The following SFMBT2 variants were observed in gnomAD, a reference collection of about 807,000 sequenced individuals.
SFMBT2 encodes the protein Scm like with four mbt domains 2, also known as scm-like with four MBT domains protein 2.
SFMBT2 carries 38 observed loss-of-function variants against 110.1 expected under a neutral mutation model. The ratio of observed to expected loss-of-function variants is 0.35; its 90% CI spans 0.27 to 0.45. SFMBT2 has a LOEUF of 0.45. Among genes scored for constraint, SFMBT2 ranks in the 20% least tolerant of loss-of-function variants. The pLI, the probability that SFMBT2 is intolerant of heterozygous loss-of-function variation, is 1.00. For missense variants in SFMBT2, 1,011 were observed against 1,094.9 expected (o/e 0.92, Z 1.08); for synonymous variants, 425 against 425.4 (o/e 1.00, Z 0.01).
In SFMBT2 at chr10:7,236,193, T is replaced by C. The variant is rs143144962; in HGVS notation, c.1120+7365A>G. Among the ~76,000 whole-genome samples, 464 of 152,136 alleles carry C rather than the reference T, an allele frequency of 3.0e-3. 1 individual carries two copies. Among genetic ancestry groups the C allele is most frequent in the African/African-American group, 0.011 (437 of 41,502 alleles). On this transcript the variant is annotated intron_variant, in intron 9 of 20. Coordinates refer to ENST00000397167, the MANE Select transcript of SFMBT2 (RefSeq NM_001387889.1). ...ACCTAGGAAATATTCCAAGAAAAGA[T>C]TGCAAGCTATAAAAAGATAATATAA...
chr10:7,274,406 C>T (rs1386940605), intron 7 of SFMBT2, among the ~76,000 whole-genome samples: 1 of 152,134 alleles, frequency 6.6e-6, no homozygotes, highest in Non-Finnish European at 1.5e-5. Flanking sequence ...CTCCCATAAT[C>T]CCCACATGTT....
chr10:7,404,898 T>C lies in SFMBT2; in HGVS notation c.-52+5963A>G, dbSNP rs376296730. Among the ~76,000 whole-genome samples the C allele has an allele frequency of 1.1e-4, 16 of 152,352 alleles. No individual in the cohort carries two copies. The East Asian group carries it at 1.7e-3, about 16-fold the overall frequency. On this transcript the variant is annotated intron_variant, in intron 1 of 20. Coordinates refer to ENST00000397167, the MANE Select transcript of SFMBT2 (RefSeq NM_001387889.1). ...TCCTGAAGGATTTTACTTGGAAACATTACATGAATCATGTGACACATTCTT... is the reference window on the plus strand; with the variant it reads ...TCCTGAAGGATTTTACTTGGAAACACTACATGAATCATGTGACACATTCTT...
chr10:7,398,422 T>C (rs1845984946), intron 1 of SFMBT2, among the ~76,000 whole-genome samples: 1 of 152,230 alleles, frequency 6.6e-6, no homozygotes, highest in Admixed American at 6.5e-5. Flanking sequence ...GCCAACAAAT[T>C]ATTTATTTAC....
intron 2 of SFMBT2, among the ~76,000 whole-genome samples, chr10:7,377,970 TTG>T (rs1379220798): frequency 1.5e-5 from 1 of 67,542 alleles, no homozygotes; most frequent in Non-Finnish European, 3.1e-5. Flanking sequence ...TGGGGGGGGG[TTG>T]TGTGTGTGGG....
At chr10:7,305,093 T>G (rs1842654931) in intron 4 of SFMBT2, among the ~76,000 whole-genome samples, 1 of 152,196 alleles carries the variant, frequency 6.6e-6, no homozygotes. Context: ...GGAAGTTCTT[T>G]TAGCAAAACT....
At chr10:7,345,202 G>A (rs533839517) in intron 4 of SFMBT2, among the ~76,000 whole-genome samples, 4 of 152,042 alleles carry the variant, frequency 2.6e-5, no homozygotes, top group Non-Finnish European at 4.4e-5. Flanking sequence ...AAGGTGCCAG[G>A]GCTTATAAAA....
At chr10:7,394,199 G>T (rs1003506043) in intron 1 of SFMBT2, among the ~76,000 whole-genome samples, 1 of 152,012 alleles carries the variant, frequency 6.6e-6, no homozygotes, top group African/African-American at 2.4e-5. Flanking sequence ...GGCTGGTCTC[G>T]AATTCGTGGG....
At chr10:7,345,952 A>C (rs547279703) in intron 4 of SFMBT2, among the ~76,000 whole-genome samples, 1 of 152,252 alleles carries the variant, frequency 6.6e-6, no homozygotes, top group African/African-American at 2.4e-5. Context: ...ACAGTCCCTG[A>C]CTCTGGAATA....
chr10:7,322,702 G>C (rs531502995), intron 4 of SFMBT2, among the ~76,000 whole-genome samples: 1 of 152,212 alleles, frequency 6.6e-6, no homozygotes, highest in Admixed American at 6.5e-5. Flanking sequence ...ACAGTGGGGA[G>C]GCGAATGGAC....
rs1249382116 is a variant in SFMBT2 at position 7,408,289 on chromosome 10, G to A, written c.-52+2572C>T. Among the ~76,000 whole-genome samples the A allele has an allele frequency of 1.3e-5, 2 of 151,534 alleles. No homozygotes were observed. The highest frequency in any genetic ancestry group is 4.2e-4 in the South Asian group (2 of 4,808). On this transcript the variant is annotated intron_variant, in intron 1 of 20. Transcript: ENST00000397167. The surrounding 1 kb of genome is among the most constrained non-coding windows in gnomAD (Gnocchi z 5.7). ...ACGGACGCGTCCTGGCCGGCGTGTC[G>A]CCATCGTTCAGCCTCGCTGCCCAGG...
chr10:7,265,525 T>C (rs1841358254), intron 7 of SFMBT2, among the ~76,000 whole-genome samples: 1 of 152,148 alleles, frequency 6.6e-6, no homozygotes, highest in South Asian at 2.1e-4. Flanking sequence ...TTAATTTCAA[T>C]GAGGAATTGA....
intron 11 of SFMBT2, among the ~76,000 whole-genome samples, chr10:7,218,780 C>T (rs997831241): frequency 5.9e-5 from 9 of 152,170 alleles, no homozygotes; most frequent in South Asian, 2.1e-4. Context: ...TTTTTTAAGA[C>T]GTGGGAAGCC....
intron 16 of SFMBT2, among the ~76,000 whole-genome samples, chr10:7,185,143 A>C (rs1838357605): frequency 1.3e-5 from 2 of 152,204 alleles, no homozygotes; most frequent in South Asian, 4.1e-4. Flanking sequence ...AGAATGTCTT[A>C]AGCTGGCCTG....
intron 13 of SFMBT2, among the ~76,000 whole-genome samples, chr10:7,201,864 G>A (rs1057104087): frequency 6.6e-6 from 1 of 152,162 alleles, no homozygotes; most frequent in African/African-American, 2.4e-5. Flanking sequence ...AGAAAATCAC[G>A]ACTGAAATGG....
chr10:7,361,912 G>A lies in SFMBT2; in HGVS notation c.436+5737C>T, dbSNP rs146665907. ...CCGACTAAATCTCCAAAGCTCCCCAGCCCCAGACATTAAGAGGTAATGTCA... is the reference window on the plus strand; with the variant it reads ...CCGACTAAATCTCCAAAGCTCCCCAACCCCAGACATTAAGAGGTAATGTCA... On this transcript the variant is annotated intron_variant, in intron 4 of 20. Coordinates refer to ENST00000397167, the MANE Select transcript of SFMBT2 (RefSeq NM_001387889.1). Among the ~76,000 whole-genome samples, 31 of 152,246 alleles carry A rather than the reference G, an allele frequency of 2.0e-4. No individual in the cohort carries two copies. In the East Asian group the frequency reaches 5.0e-3, roughly 25 times the overall value.
intron 4 of SFMBT2, among the ~76,000 whole-genome samples, chr10:7,366,181 G>A (rs764328549): frequency 2.6e-5 from 4 of 152,048 alleles, no homozygotes; most frequent in African/African-American, 4.8e-5. Flanking sequence ...AGGAAAGAGC[G>A]GGTGCAAAGA....
intron 16 of SFMBT2, among the ~76,000 whole-genome samples, chr10:7,184,014 G>A (rs944663672): frequency 2.6e-5 from 4 of 152,220 alleles, no homozygotes; most frequent in Admixed American, 2.0e-4. Flanking sequence ...ACCTAAAGGA[G>A]TGGAGGCAAA....
intron 5 of SFMBT2, 88 bp downstream of exon 5, chr10:7,285,778 A>C: frequency 2.6e-6 from 2 of 765,178 alleles, no homozygotes; most frequent in Non-Finnish European, 4.8e-6. Context: ...GCATCTGCTG[A>C]AGGATATATG....
At chr10:7,178,434 A>C (rs572740642) in intron 16 of SFMBT2, among the ~76,000 whole-genome samples, 130 of 152,348 alleles carry the variant, frequency 8.5e-4, no homozygotes, top group South Asian at 4.1e-3. Context: ...ATGGGAATCC[A>C]AAAACGTCAA....
Sources: gnomAD v4.1 joint callset for allele counts (sites outside exome capture counted in the v4.1 genomes callset) on GRCh38, gnomAD v4.1.1 for gene constraint, Gnocchi (gnomAD v3.1) non-coding constraint, MANE v1.5 for transcripts, NCBI Gene and HGNC (gene_info 2026-07-23, HGNC 2026-07-21) for gene names.